Variants in CTDSPL2 observed in about 807,000 individuals in gnomAD.
CTDSPL2 encodes CTD small phosphatase like 2, also known as CTD small phosphatase-like protein 2.
In CTDSPL2, 5 loss-of-function variants were observed where a neutral mutation model predicts 60.0. The observed-to-expected ratio is 0.08, with a 90% CI of 0.04 to 0.18. CTDSPL2 has a LOEUF of 0.18. Ranked by LOEUF, CTDSPL2 falls within the 10% of genes least tolerant of loss-of-function variation. The probability of loss-of-function intolerance (pLI) is 1.00; values close to 1 mark genes in which losing one functional copy is unlikely to be tolerated. For synonymous variants in CTDSPL2, 186 were observed against 189.3 expected (o/e 0.98, Z 0.14); for missense variants, 370 against 548.8 (o/e 0.67, Z 3.26).
At chr15:44,496,287 G>A in intron 5 of CTDSPL2, 93 bp from the exon 6 acceptor site, 1 of 851,688 alleles carries the variant, frequency 1.2e-6, no homozygotes, top group Non-Finnish European at 1.9e-6. Context: ...AATACACAAG[G>A]CTTTAGGAAG....
intron 11 of CTDSPL2, chr15:44,519,546 G>A: frequency 3.3e-6 from 1 of 307,644 alleles, no homozygotes; most frequent in East Asian, 7.4e-5. Flanking sequence ...TCATTGAATA[G>A]CATTCTTATC....
intron 4 of CTDSPL2, among the ~76,000 whole-genome samples, 190 bp from the exon 5 acceptor site, chr15:44,490,594 C>A (rs145696401): frequency 5.6e-4 from 86 of 152,302 alleles, no homozygotes; most frequent in African/African-American, 2.0e-3. Context: ...ACAAATGTTA[C>A]TCTAGCCTGT....
At chr15:44,457,082 G>A (rs1488144929) in intron 1 of CTDSPL2, among the ~76,000 whole-genome samples, 1 of 151,952 alleles carries the variant, frequency 6.6e-6, no homozygotes, top group Non-Finnish European at 1.5e-5. Flanking sequence ...TCACCATGTT[G>A]CCCAGGCTGG....
intron 2 of CTDSPL2, among the ~76,000 whole-genome samples, chr15:44,460,186 C>T (rs2080536770): frequency 6.6e-6 from 1 of 152,218 alleles, no homozygotes; most frequent in Non-Finnish European, 1.5e-5. Flanking sequence ...TCTCCGCTCA[C>T]TGCAACCTCT....
intron 2 of CTDSPL2, among the ~76,000 whole-genome samples, chr15:44,478,408 C>T (rs1248765659): frequency 8.3e-6 from 1 of 120,078 alleles, no homozygotes; most frequent in Non-Finnish European, 1.6e-5. Flanking sequence ...GCTGAGATTG[C>T]ACCACTGCAC....
At chr15:44,460,630 A>G (rs1242412833) in intron 2 of CTDSPL2, among the ~76,000 whole-genome samples, 1 of 152,164 alleles carries the variant, frequency 6.6e-6, no homozygotes, top group Admixed American at 6.6e-5. Context: ...AAGCCTAATT[A>G]CTGTAAGTCA....
intron 1 of CTDSPL2, among the ~76,000 whole-genome samples, chr15:44,443,261 C>T (rs1253232330): frequency 6.6e-6 from 1 of 152,160 alleles, no homozygotes; most frequent in African/African-American, 2.4e-5. Flanking sequence ...AGGCTGAATA[C>T]TACTTAATTG....
At chr15:44,432,750 G>T (rs530857995) in intron 1 of CTDSPL2, among the ~76,000 whole-genome samples, 1 of 151,568 alleles carries the variant, frequency 6.6e-6, no homozygotes, top group African/African-American at 2.4e-5. Flanking sequence ...CCCCCGAATA[G>T]CTGGCATTAC....
intron 5 of CTDSPL2, among the ~76,000 whole-genome samples, chr15:44,495,993 G>A (rs983574655): frequency 6.6e-6 from 1 of 151,988 alleles, no homozygotes; most frequent in Admixed American, 6.5e-5. Flanking sequence ...TACTGACTGC[G>A]TGTATGTACA....
chr15:44,490,035 T>C (rs1490791974), intron 4 of CTDSPL2, among the ~76,000 whole-genome samples: 1 of 152,196 alleles, frequency 6.6e-6, no homozygotes, highest in Non-Finnish European at 1.5e-5. Context: ...GAATGTTCTG[T>C]AAGGAAGTTG....
chr15:44,436,197 T>C (rs2079979411), intron 1 of CTDSPL2, among the ~76,000 whole-genome samples: 1 of 152,180 alleles, frequency 6.6e-6, no homozygotes, highest in Admixed American at 6.6e-5. Context: ...TTCATGAATA[T>C]AGTAAGTTAA....
chr15:44,520,801 C>T (rs1273086770), intron 11 of CTDSPL2: 1 of 152,088 alleles, frequency 6.6e-6, no homozygotes, highest in Non-Finnish European at 1.5e-5. Flanking sequence ...GGCTCCTCTT[C>T]AATGAAATAC....
chr15:44,522,940 T>C (rs1474146406), intron 12 of CTDSPL2, among the ~76,000 whole-genome samples: 2 of 152,164 alleles, frequency 1.3e-5, no homozygotes, highest in East Asian at 3.9e-4. Context: ...GTTTGGCCTC[T>C]ATTGCTTGAT....
chr15:44,491,022 T>A, intron 5 of CTDSPL2, 23 bp downstream of exon 5: 1 of 1,539,346 alleles, frequency 6.5e-7, no homozygotes. Context: ...TCTTTTCTTA[T>A]ACATCTTCAT....
At chr15:44,486,767 T>G in intron 4 of CTDSPL2, 67 bp downstream of exon 4, 1 of 1,252,882 alleles carries the variant, frequency 8.0e-7, no homozygotes, top group African/African-American at 1.6e-5. Context: ...GGTTTTTTTT[T>G]TTTTTTTTTC....
rs1473390972 is a variant in CTDSPL2 at position 44,519,115 on chromosome 15, T to C, written c.1113-54T>C. ...TATGGTGTATATATATGTGTATATGTTCTACTTTTTAGAAAGTTTTTTTTT... is the reference window on the plus strand; with the variant it reads ...TATGGTGTATATATATGTGTATATGCTCTACTTTTTAGAAAGTTTTTTTTT... On this transcript the variant is annotated intron_variant, in intron 10 of 12. Transcript: ENST00000260327. The C allele has an allele frequency of 8.7e-6, 11 of 1,265,102 alleles. 1 individual carries two copies. The highest frequency in any genetic ancestry group is 1.1e-5 in the Non-Finnish European group (11 of 960,668). The allele number at this position is 1,265,102 out of a possible 1,614,324, so 78.4% of individuals were successfully genotyped here.
At chr15:44,446,028 C>T (rs1424314565) in intron 1 of CTDSPL2, among the ~76,000 whole-genome samples, 1 of 150,058 alleles carries the variant, frequency 6.7e-6, no homozygotes, top group African/African-American at 2.5e-5. Context: ...CGGGTGCAAG[C>T]GATTCTTCTG....
intron 7 of CTDSPL2, among the ~76,000 whole-genome samples, chr15:44,497,511 G>A (rs918162942): frequency 6.6e-5 from 10 of 151,874 alleles, no homozygotes; most frequent in Admixed American, 2.0e-4. Context: ...GACTACAGGC[G>A]CCTGCCACCA....
chr15:44,505,837 G>A (rs1463949810), intron 8 of CTDSPL2, among the ~76,000 whole-genome samples: 1 of 151,990 alleles, frequency 6.6e-6, no homozygotes, highest in Non-Finnish European at 1.5e-5. Context: ...CATTAAATTG[G>A]AGGCTTCATT....
Sources: gnomAD v4.1 joint callset for allele counts (sites outside exome capture counted in the v4.1 genomes callset) on GRCh38, gnomAD v4.1.1 for gene constraint, MANE v1.5 for transcripts, NCBI Gene and HGNC (gene_info 2026-07-23, HGNC 2026-07-21) for gene names.